The following MED27 variants were observed in gnomAD, a reference collection of about 807,000 sequenced individuals.
MED27 encodes mediator complex subunit 27, also known as mediator of RNA polymerase II transcription subunit 27.
Under a neutral mutation model 38.2 loss-of-function variants are expected in MED27, and 30 were observed. The observed-to-expected ratio is 0.79, with a 90% CI of 0.59 to 1.07. The LOEUF (loss-of-function observed/expected upper bound fraction) is 1.07. MED27 is among the 50% of genes least tolerant of loss of function. The pLI, the probability that MED27 is intolerant of heterozygous loss-of-function variation, is 0.00. For synonymous variants in MED27, 122 were observed against 153.5 expected (o/e 0.79, Z 1.52); for missense variants, 289 against 397.5 (o/e 0.73, Z 2.32).
At chr9:132,017,204 T>C (rs545964064) in intron 2 of MED27, among the ~76,000 whole-genome samples, 1 of 152,322 alleles carries the variant, frequency 6.6e-6, no homozygotes, top group African/African-American at 2.4e-5. Flanking sequence ...AACTGGATTA[T>C]ACATTATTTA....
At chr9:131,950,044 T>C (rs1423711663) in intron 3 of MED27, among the ~76,000 whole-genome samples, 1 of 152,176 alleles carries the variant, frequency 6.6e-6, no homozygotes, top group Non-Finnish European at 1.5e-5. Context: ...TTGTGGGTCC[T>C]AGTTTTCCCT....
chr9:131,937,789 T>C (rs1204961973), intron 4 of MED27, among the ~76,000 whole-genome samples: 4 of 152,022 alleles, frequency 2.6e-5, no homozygotes, highest in African/African-American at 9.7e-5. Flanking sequence ...GTCTGGGGTA[T>C]CTTAAAATCT....
At chr9:131,871,722 T>A (rs933589104) in intron 6 of MED27, among the ~76,000 whole-genome samples, 1 of 152,108 alleles carries the variant, frequency 6.6e-6, no homozygotes, top group Admixed American at 6.6e-5. Flanking sequence ...GCTAGTTTTT[T>A]AATTTTTAGT....
chr9:131,932,675 T>G (rs1416172844), intron 4 of MED27, among the ~76,000 whole-genome samples: 1 of 152,084 alleles, frequency 6.6e-6, no homozygotes, highest in East Asian at 1.9e-4. Flanking sequence ...CACTGCTGAA[T>G]TCTACCAAAC....
At chr9:132,034,720 C>A (rs1833037191) in intron 2 of MED27, among the ~76,000 whole-genome samples, 1 of 152,124 alleles carries the variant, frequency 6.6e-6, no homozygotes, top group African/African-American at 2.4e-5. Flanking sequence ...AGGAAGAGCA[C>A]CAGACTATGC....
At chr9:131,880,869 T>C (rs905276257) in intron 6 of MED27, among the ~76,000 whole-genome samples, 9 of 152,196 alleles carry the variant, frequency 5.9e-5, no homozygotes, top group Non-Finnish European at 1.3e-4. Context: ...TAATACACTT[T>C]CTGCTTGCAT....
At chr9:131,973,317 A>G (rs1831522902) in intron 3 of MED27, among the ~76,000 whole-genome samples, 1 of 152,198 alleles carries the variant, frequency 6.6e-6, no homozygotes, top group Admixed American at 6.5e-5. Context: ...CCCCTCCAGG[A>G]TAACTCTGGG....
chr9:131,869,022 C>T, intron 6 of MED27: 2 of 985,492 alleles, frequency 2.0e-6, no homozygotes, highest in Non-Finnish European at 2.4e-6. Flanking sequence ...TCTGGCCAAA[C>T]TCAGCCTCTT....
chr9:131,874,666 C>A (rs983203795), intron 6 of MED27, among the ~76,000 whole-genome samples: 10 of 152,192 alleles, frequency 6.6e-5, no homozygotes, highest in Non-Finnish European at 1.5e-4. Flanking sequence ...CCTTCGGCGT[C>A]TGCCGAAGGC....
chr9:131,932,401 G>T (rs34394297), intron 4 of MED27, among the ~76,000 whole-genome samples: 36,569 of 145,316 alleles, frequency 0.25, 5,001 homozygotes, highest in East Asian at 0.38. Context: ...AAAGAGAGAA[G>T]ATACAAATAA....
At chr9:131,968,278 A>T (rs1400902213) in intron 3 of MED27, among the ~76,000 whole-genome samples, 1 of 152,110 alleles carries the variant, frequency 6.6e-6, no homozygotes, top group Non-Finnish European at 1.5e-5. Context: ...GTTCGAGACC[A>T]GTCTGGACAA....
intron 2 of MED27, among the ~76,000 whole-genome samples, chr9:132,060,176 G>C (rs1833666514): frequency 6.6e-6 from 1 of 152,138 alleles, no homozygotes; most frequent in Non-Finnish European, 1.5e-5. Flanking sequence ...ATTAGCATAG[G>C]TATGACCCCC....
At chr9:132,034,898 G>C (rs1833041909) in intron 2 of MED27, among the ~76,000 whole-genome samples, 1 of 152,174 alleles carries the variant, frequency 6.6e-6, no homozygotes, top group African/African-American at 2.4e-5. Context: ...AAAACTATCT[G>C]TGAAAGTGGC....
At chr9:131,870,392 C>T (rs550482869) in intron 6 of MED27, among the ~76,000 whole-genome samples, 2 of 152,330 alleles carry the variant, frequency 1.3e-5, no homozygotes, top group South Asian at 2.1e-4. Context: ...CGACGCATGG[C>T]AAGCGCCCGC....
rs1170278448 is a variant in MED27, at chr9:131,883,537, G to A, written c.723+521C>T. On this transcript the variant is annotated intron_variant, in intron 6 of 7. Transcript: ENST00000292035. This position sits in a 1 kb window ranked among gnomAD's most constrained non-coding sequence, Gnocchi z 4.2. The stretch of plus-strand genomic sequence containing the variant: ...TACAGTGTCCCCAGAGCACAAAGTG[G>A]GGAAGGGGCAGGGTGAGGGAGTGCC... Among the ~76,000 whole-genome samples the A allele has an allele frequency of 6.6e-6, 1 of 152,154 alleles. No homozygotes were observed. The highest frequency in any genetic ancestry group is 2.4e-5 in the African/African-American group (1 of 41,422).
chr9:131,938,023 C>T (rs1274948964), intron 4 of MED27, among the ~76,000 whole-genome samples: 1 of 152,070 alleles, frequency 6.6e-6, no homozygotes, highest in East Asian at 1.9e-4. Context: ...TATGTTTTAA[C>T]TGAAAGAAAT....
At chr9:131,971,434 A>C (rs568304150) in intron 3 of MED27, among the ~76,000 whole-genome samples, 22 of 152,358 alleles carry the variant, frequency 1.4e-4, no homozygotes, top group African/African-American at 5.3e-4. Context: ...GCCTTTGCAG[A>C]CCAGCAATAA....
chr9:131,891,837 G>A (rs60384659), intron 5 of MED27, among the ~76,000 whole-genome samples: 1,935 of 152,254 alleles, frequency 0.013, 42 homozygotes, highest in African/African-American at 0.045. Flanking sequence ...AATGAGAGCC[G>A]GAGAGGAGCG....
At chr9:131,993,466 G>GGGCTCCAGCTGTCAGCTCACGCAGAGTC (rs1832023489) in intron 3 of MED27, among the ~76,000 whole-genome samples, 1 of 152,136 alleles carries the variant, frequency 6.6e-6, no homozygotes, top group Non-Finnish European at 1.5e-5. Flanking sequence ...GTCAACACGT[G>GGGCTCCAGCTGTCAGCTCACGCAGAGTC]GGCTCCAGCT....
Sources: allele counts gnomAD v4.1 joint callset (sites outside exome capture counted in the v4.1 genomes callset), GRCh38; gene constraint gnomAD v4.1.1; non-coding constraint Gnocchi (gnomAD v3.1); transcripts MANE v1.5; gene names NCBI Gene and HGNC (gene_info 2026-07-23, HGNC 2026-07-21).